TXNDC11: variants seen among roughly 807,000 people sequenced by gnomAD.
TXNDC11 encodes the protein thioredoxin domain-containing protein 11.
In TXNDC11, 68 loss-of-function variants were observed where a neutral mutation model predicts 78.0. The ratio of observed to expected loss-of-function variants is 0.87; its 90% CI spans 0.72 to 1.07. TXNDC11 has a LOEUF of 1.07. TXNDC11 is among the 50% of genes least tolerant of loss of function. TXNDC11 has a pLI of 0.00. For missense variants in TXNDC11, 1,389 were observed against 1,221.8 expected, an observed-to-expected ratio of 1.14 and a Z score of -2.04; for synonymous variants, 571 against 495.2, an observed-to-expected ratio of 1.15 and a Z score of -2.03.
chr16:11,741,387 G>C lies in TXNDC11; in HGVS notation c.254+1090C>G, dbSNP rs114347860. On this transcript the variant is annotated intron_variant, in intron 1 of 11. Transcript: ENST00000283033. ...TTGTATGTGTGTACATTCCTGAAAA[G>C]ACACACATGAACTTTCATGTTCCTA... Among the ~76,000 whole-genome samples, 1,185 of 152,236 alleles carry C rather than the reference G, an allele frequency of 7.8e-3. 19 individuals carry two copies. Among genetic ancestry groups the C allele is most frequent in the African/African-American group, 0.027 (1,125 of 41,526 alleles).
Position 11,684,145 on chromosome 16 carries a change from T to C in TXNDC11, c.2234+20A>G. Reference sequence around the variant, plus strand: ...CAAAAGAATCCCAACTGCCCACCAGTGACAAAAATTTGGCATTACCTGTTG... The same window carrying C: ...CAAAAGAATCCCAACTGCCCACCAGCGACAAAAATTTGGCATTACCTGTTG... On this transcript the variant is annotated intron_variant, in intron 11 of 11. Coordinates refer to ENST00000283033, the MANE Select transcript of TXNDC11 (RefSeq NM_015914.7). 1 of 1,590,348 alleles carries C rather than the reference T, an allele frequency of 6.3e-7. No individual in the cohort carries two copies. Among genetic ancestry groups the C allele is most frequent in the Non-Finnish European group, 8.6e-7 (1 of 1,158,738 alleles).
Position 11,734,109 on chromosome 16 carries a change from C to T in TXNDC11, c.472-30G>A, listed in dbSNP as rs372040460. The T allele has an allele frequency of 2.8e-4, 385 of 1,392,342 alleles. 1 individual carries two copies. The African/African-American group carries it at 5.0e-3, about 18-fold the overall frequency. The allele number at this position is 1,392,342 out of a possible 1,614,324, so 86.2% of individuals were successfully genotyped here. On this transcript the variant is annotated intron_variant, in intron 2 of 11. Transcript: ENST00000283033. ...AGAGCCAAAAAAGGTTTTCAAATGA[C>T]TATGAATAACAACTGAAAAGTTACC...
intron 5 of TXNDC11, 33 bp downstream of exon 5, chr16:11,721,544 A>G: frequency 1.7e-6 from 2 of 1,200,622 alleles, no homozygotes; most frequent in Admixed American, 1.8e-5. Flanking sequence ...ATTCTACTGA[A>G]GTAACAATGT....
At chr16:11,735,726 T>C (rs1338621016) in intron 2 of TXNDC11, among the ~76,000 whole-genome samples, 1 of 152,212 alleles carries the variant, frequency 6.6e-6, no homozygotes, top group Non-Finnish European at 1.5e-5. Context: ...GAACTAGGAT[T>C]TTCAGTCCCT....
At chr16:11,727,122 C>G (rs2051905605) in intron 4 of TXNDC11, among the ~76,000 whole-genome samples, 1 of 152,094 alleles carries the variant, frequency 6.6e-6, no homozygotes, top group Non-Finnish European at 1.5e-5. Flanking sequence ...GTAATGAATG[C>G]TAACTATATA....
chr16:11,730,707 T>C lies in TXNDC11; in HGVS notation c.637A>G (p.Met213Val). The C allele has an allele frequency of 6.2e-7, 1 of 1,613,862 alleles. No homozygotes were observed. The highest frequency in any genetic ancestry group is 8.5e-7 in the Non-Finnish European group (1 of 1,179,822). Reference protein sequence around the residue: ...VYIEKFVRRVMKPLLYIPSQS... With the variant: ...VYIEKFVRRVVKPLLYIPSQS... Reference sequence around the variant, plus strand: ...GATGGGATGTAGAGAAGTGGTTTCATCACCCGGCGGACAAACTTCTCAATG... The same window carrying C: ...GATGGGATGTAGAGAAGTGGTTTCACCACCCGGCGGACAAACTTCTCAATG... Residue 213 changes from methionine to valine, a missense_variant, in exon 4 of 12, where the codon ATG becomes GTG. Physicochemically the swap from Met to Val is conservative, Grantham distance 21. Transcript: ENST00000283033.
At chr16:11,686,136 T>G (rs2050562397) in intron 10 of TXNDC11, among the ~76,000 whole-genome samples, 1 of 152,216 alleles carries the variant, frequency 6.6e-6, no homozygotes, top group Non-Finnish European at 1.5e-5. Context: ...TTTTTTATTT[T>G]TAGTAGAGAC....
Position 11,736,190 on chromosome 16 carries a change from A to T in TXNDC11, c.298T>A (p.Phe100Ile). Reference protein sequence around the residue: ...VIIPAKPPVSFFSLRSPVLDL... With the variant: ...VIIPAKPPVSIFSLRSPVLDL... ...AGGACTGGAGACCTCAAGGAGAAAA[A>T]GCTGACAGGTGGCTTTGCTGGTATT... Residue 100 changes from phenylalanine (F) to isoleucine (I), a missense_variant, in exon 2 of 12, where the codon TTT becomes ATT. By Grantham distance (21) the Phe-to-Ile change is conservative. Coordinates refer to ENST00000283033, the MANE Select transcript of TXNDC11 (RefSeq NM_015914.7). 1.2e-6 allele frequency: 2 copies of T among 1,613,950 alleles called. No individual in the cohort carries two copies. Among genetic ancestry groups the T allele is most frequent in the Non-Finnish European group, 1.7e-6 (2 of 1,179,880 alleles).
intron 5 of TXNDC11, among the ~76,000 whole-genome samples, chr16:11,704,031 G>A (rs1318322683): frequency 6.6e-6 from 1 of 152,188 alleles, no homozygotes; most frequent in Non-Finnish European, 1.5e-5. Context: ...GGTGCAGGTT[G>A]CAGTGAGCCG....
intron 11 of TXNDC11, among the ~76,000 whole-genome samples, chr16:11,681,782 C>T (rs987442937): frequency 1.3e-5 from 2 of 152,226 alleles, no homozygotes; most frequent in Admixed American, 6.5e-5. Flanking sequence ...GAGCAAGTGG[C>T]TCCAAGATGC....
chr16:11,706,253 G>C (rs1236324601), intron 5 of TXNDC11, among the ~76,000 whole-genome samples: 1 of 152,246 alleles, frequency 6.6e-6, no homozygotes, highest in Non-Finnish European at 1.5e-5. Context: ...TTACTAACCA[G>C]TTTCCACAGC....
chr16:11,700,594 A>G, intron 5 of TXNDC11, 30 bp from the exon 6 acceptor site: 4 of 1,166,366 alleles, frequency 3.4e-6, no homozygotes, highest in Non-Finnish European at 5.1e-6. Context: ...TTTATTAAAG[A>G]AAAGGCCTGT....
intron 7 of TXNDC11, among the ~76,000 whole-genome samples, chr16:11,693,938 C>A (rs1221515261): frequency 1.3e-5 from 2 of 152,120 alleles, no homozygotes; most frequent in Non-Finnish European, 2.9e-5. Flanking sequence ...TTACTGTAAT[C>A]TTTTACAGAA....
chr16:11,734,082 G>C lies in TXNDC11; in HGVS notation c.472-3C>G. ...CAGTTAATTGCCACAAACAACACCT[G>C]CAGAGCCAAAAAAGGTTTTCAAATG... On this transcript the variant is annotated splice_polypyrimidine_tract_variant and splice_region_variant and intron_variant, in intron 2 of 11. Transcript: ENST00000283033. 1 of 1,584,024 alleles carries C rather than the reference G, an allele frequency of 6.3e-7. No individual in the cohort carries two copies.
At chr16:11,735,620 A>G (rs1300003552) in intron 2 of TXNDC11, among the ~76,000 whole-genome samples, 1 of 152,222 alleles carries the variant, frequency 6.6e-6, no homozygotes, top group Admixed American at 6.5e-5. Context: ...TCTGGTCCAT[A>G]TATTAAAAAG....
intron 1 of TXNDC11, chr16:11,741,860 C>G (rs1240342899): frequency 6.6e-6 from 1 of 152,236 alleles, no homozygotes; most frequent in African/African-American, 2.4e-5. Flanking sequence ...TGGTGAAACT[C>G]TGTCTCTACT....
At chr16:11,742,366 A>G (rs1419134022) in intron 1 of TXNDC11, 111 bp downstream of exon 1, 2 of 877,616 alleles carry the variant, frequency 2.3e-6, no homozygotes, top group Admixed American at 8.7e-5. Context: ...GTCCTGGGCA[A>G]GGTCAGGCCC....
At chr16:11,700,228 A>G (rs2050973266) in intron 6 of TXNDC11, among the ~76,000 whole-genome samples, 1 of 152,226 alleles carries the variant, frequency 6.6e-6, no homozygotes, top group African/African-American at 2.4e-5. Context: ...GAATACAAAT[A>G]AAGAATTTCT....
chr16:11,717,434 GAAAA>G (rs58884197), intron 5 of TXNDC11, among the ~76,000 whole-genome samples: 1 of 62,330 alleles, frequency 1.6e-5, no homozygotes, highest in Non-Finnish European at 2.8e-5. Context: ...GACTCCAAAT[GAAAA>G]AAAAAAAAAA....
Sources: allele counts gnomAD v4.1 joint callset (sites outside exome capture counted in the v4.1 genomes callset), GRCh38; gene constraint gnomAD v4.1.1; transcripts MANE v1.5; gene names NCBI Gene and HGNC (gene_info 2026-07-23, HGNC 2026-07-21).